NFATC1: variants seen among roughly 807,000 people sequenced by gnomAD.
NFATC1 encodes the protein nuclear factor of activated T-cells, cytoplasmic 1.
Under a neutral mutation model 76.0 loss-of-function variants are expected in NFATC1, and 22 were observed. The observed-to-expected ratio is 0.29, with a 90% CI of 0.21 to 0.41. The LOEUF (loss-of-function observed/expected upper bound fraction) is 0.41. Among genes scored for constraint, NFATC1 ranks in the 10% least tolerant of loss-of-function variants. The probability of loss-of-function intolerance (pLI) is 1.00; values close to 1 mark genes in which losing one functional copy is unlikely to be tolerated. For synonymous variants in NFATC1, 704 were observed against 613.1 expected (o/e 1.15, Z -2.19); for missense variants, 1,357 against 1,337.7 (o/e 1.01, Z -0.23).
chr18:79,400,272 GC>G (rs2085148544), intron 1 of NFATC1: 4 of 1,189,654 alleles, frequency 3.4e-6, no homozygotes, highest in Non-Finnish European at 3.1e-6. Flanking sequence ...CGGGGGCGGG[GC>G]GGGGACGGGG....
chr18:79,490,025 C>G (rs2089630663), intron 9 of NFATC1, among the ~76,000 whole-genome samples: 1 of 152,240 alleles, frequency 6.6e-6, no homozygotes, highest in South Asian at 2.1e-4. Context: ...CCTCGATGCT[C>G]AGCCAGGACC....
At chr18:79,493,710 T>C (rs2089771055) in intron 9 of NFATC1, 2 of 152,282 alleles carry the variant, frequency 1.3e-5, no homozygotes, top group Admixed American at 1.3e-4. Context: ...TCCCCCCGGC[T>C]GAGGATGATT....
At chr18:79,521,584 T>G (rs1332218405) in intron 9 of NFATC1, among the ~76,000 whole-genome samples, 6 of 103,400 alleles carry the variant, frequency 5.8e-5, no homozygotes, top group Non-Finnish European at 9.1e-5. Flanking sequence ...TCTGTGTGTG[T>G]GGGGGGAGCA....
intron 4 of NFATC1, 65 bp downstream of exon 4, chr18:79,449,049 G>GT (rs1568975388): frequency 2.0e-6 from 3 of 1,525,054 alleles, no homozygotes; most frequent in Admixed American, 1.9e-5. Flanking sequence ...CTCCCTCCCA[G>GT]TCCCGGGGGG....
intron 2 of NFATC1, among the ~76,000 whole-genome samples, chr18:79,415,456 G>T (rs1269915376): frequency 6.6e-6 from 1 of 150,976 alleles, no homozygotes; most frequent in Non-Finnish European, 1.5e-5. Context: ...CTATTTTTTT[G>T]TATTTTTAGT....
At chr18:79,474,530 C>G (rs1402114487) in intron 8 of NFATC1, among the ~76,000 whole-genome samples, 2 of 145,484 alleles carry the variant, frequency 1.4e-5, no homozygotes, top group Non-Finnish European at 3.0e-5. Flanking sequence ...TGTTCTCACA[C>G]TCACTGTCGA....
At chr18:79,469,647 C>G in intron 8 of NFATC1, 1 of 985,900 alleles carries the variant, frequency 1.0e-6, no homozygotes, top group Non-Finnish European at 1.2e-6. Context: ...CCCTCCACCC[C>G]CCATCTGCTC....
At chr18:79,448,716 C>T (rs1024281637) in intron 3 of NFATC1, 66 bp from the exon 4 acceptor site, 18 of 1,529,334 alleles carry the variant, frequency 1.2e-5, no homozygotes, top group East Asian at 1.1e-4. Flanking sequence ...GTTTTCTCTG[C>T]GTTCCGGTGA....
rs1433189710 is a variant in NFATC1 at position 79,410,748 on chromosome 18, G to T, written c.473G>T (p.Ser158Ile). 6.2e-7 allele frequency: 1 copy of T among 1,612,868 alleles called. No homozygotes were observed. Among genetic ancestry groups the T allele is most frequent in the African/African-American group, 1.3e-5 (1 of 74,900 alleles). ...CGGTCCCCCTCCACGGCCACGCTGA[G>T]TCTGCCCAGCCTGGAGGCCTACAGA... The part of the protein sequence containing the change: ...SKRSPSTATL[S>I]LPSLEAYRDP... Residue 158 changes from serine to isoleucine, a missense_variant, in exon 2 of 10, where the codon AGT becomes ATT. This residue lies in a region of NFATC1 where 691 missense variants were observed against 613.1 expected (regional missense o/e 1.13). Coordinates refer to ENST00000427363, the MANE Select transcript of NFATC1 (RefSeq NM_001278669.2). This position sits in a 1 kb window ranked among gnomAD's most constrained non-coding sequence, Gnocchi z 6.7.
At chr18:79,514,581 A>G (rs2090334235) in intron 9 of NFATC1, among the ~76,000 whole-genome samples, 1 of 151,028 alleles carries the variant, frequency 6.6e-6, no homozygotes, top group African/African-American at 2.4e-5. Context: ...AAAAAAAAAA[A>G]AAAAAAAAAA....
chr18:79,465,816 G>A lies in NFATC1; in HGVS notation c.1960-1634G>A, dbSNP rs189816661. Among the ~76,000 whole-genome samples, 887 of 152,340 alleles carry A rather than the reference G, an allele frequency of 5.8e-3. 10 individuals carry two copies. Among genetic ancestry groups the A allele is most frequent in the African/African-American group, 0.02 (827 of 41,576 alleles). On this transcript the variant is annotated intron_variant, in intron 7 of 9. Coordinates refer to ENST00000427363, the MANE Select transcript of NFATC1 (RefSeq NM_001278669.2). The surrounding 1 kb of genome is among the most constrained non-coding windows in gnomAD (Gnocchi z 4.2). Reference sequence around the variant, plus strand: ...CCGTACAAATGCCGAGACAGGCTCCGGGTGGCCAGAGCTTCCCGGGTCAGC... The same window carrying A: ...CCGTACAAATGCCGAGACAGGCTCCAGGTGGCCAGAGCTTCCCGGGTCAGC...
intron 9 of NFATC1, among the ~76,000 whole-genome samples, chr18:79,507,897 G>C (rs942779095): frequency 1.3e-5 from 2 of 152,258 alleles, no homozygotes; most frequent in Non-Finnish European, 2.9e-5. Flanking sequence ...CCCGCGGGAA[G>C]CTGGGGGCCG....
At chr18:79,506,106 C>T (rs1482758612) in intron 9 of NFATC1, among the ~76,000 whole-genome samples, 1 of 152,192 alleles carries the variant, frequency 6.6e-6, no homozygotes, top group Non-Finnish European at 1.5e-5. Flanking sequence ...CTAGCAATGC[C>T]ACGTGCTTTT....
intron 7 of NFATC1, among the ~76,000 whole-genome samples, chr18:79,464,682 G>GTGTA (rs1555911954): frequency 0.02 from 2,012 of 100,750 alleles, 181 homozygotes; most frequent in African/African-American, 0.079. Context: ...ATATGTATGT[G>GTGTA]TATATATATA....
chr18:79,521,710 C>T (rs2090585727), intron 9 of NFATC1, among the ~76,000 whole-genome samples: 1 of 66,574 alleles, frequency 1.5e-5, no homozygotes, highest in African/African-American at 6.3e-5. Context: ...GGGGAGCATC[C>T]ACTGATGTGT....
chr18:79,411,100 G>A lies in NFATC1; in HGVS notation c.825G>A (p.Pro275=), dbSNP rs147460948. The A allele has an allele frequency of 6.0e-5, 97 of 1,612,162 alleles. No individual in the cohort carries two copies. Among genetic ancestry groups the A allele is most frequent in the African/African-American group, 1.2e-4 (9 of 74,982 alleles). ...KRKYSLNGRQ[P]PYSPHHSPTP... ...AGTACAGCCTCAACGGCCGGCAGCCGCCCTACTCACCCCACCACTCGCCCA... is the reference window on the plus strand; with the variant it reads ...AGTACAGCCTCAACGGCCGGCAGCCACCCTACTCACCCCACCACTCGCCCA... Residue 275 remains proline (P), a synonymous_variant, in exon 2 of 10, where the codon CCG becomes CCA. Transcript: ENST00000427363.
chr18:79,493,095 T>G (rs2145096598), intron 9 of NFATC1, among the ~76,000 whole-genome samples: 1 of 152,292 alleles, frequency 6.6e-6, no homozygotes, highest in East Asian at 1.9e-4. Context: ...TTTTAAACAG[T>G]GGTTTTCTGT....
intron 9 of NFATC1, among the ~76,000 whole-genome samples, chr18:79,512,832 C>T (rs544904804): frequency 7.4e-4 from 112 of 152,248 alleles, no homozygotes; most frequent in Non-Finnish European, 4.3e-4. Flanking sequence ...TCTCCACGTG[C>T]TGCGGGGAGG....
intron 6 of NFATC1, among the ~76,000 whole-genome samples, chr18:79,455,716 A>C (rs1484631074): frequency 2.0e-5 from 3 of 148,990 alleles, no homozygotes; most frequent in Non-Finnish European, 4.5e-5. Context: ...CCCAAACCCA[A>C]CATGGTGGGA....
Sources: allele counts gnomAD v4.1 joint callset (sites outside exome capture counted in the v4.1 genomes callset), GRCh38; gene constraint gnomAD v4.1.1; regional missense constraint gnomAD v4.1.1; non-coding constraint Gnocchi (gnomAD v3.1); transcripts MANE v1.5; gene names NCBI Gene and HGNC (gene_info 2026-07-23, HGNC 2026-07-21).